WDPCP: variants seen among roughly 807,000 people sequenced by gnomAD.
The protein encoded by WDPCP is WD repeat containing planar cell polarity effector, also known as WD repeat-containing and planar cell polarity effector protein fritz homolog.
A neutral mutation model predicts 93.1 loss-of-function variants in WDPCP; 71 were observed. That is an observed-to-expected ratio of 0.76 (90% CI 0.63 to 0.93). The LOEUF (loss-of-function observed/expected upper bound fraction) is 0.93, where lower values mean the gene tolerates loss of function less well. Ranked by LOEUF, WDPCP falls within the 40% of genes least tolerant of loss-of-function variation. The pLI is 0.00. For missense variants in WDPCP, 844 were observed against 887.4 expected (o/e 0.95, Z 0.62); for synonymous variants, 315 against 315.0 (o/e 1.00, Z 0.00).
At chr2:63,602,511 C>G (rs1245429456) in intron 3 of WDPCP, among the ~76,000 whole-genome samples, 1 of 152,078 alleles carries the variant, frequency 6.6e-6, no homozygotes, top group Non-Finnish European at 1.5e-5. Flanking sequence ...CTACACAATA[C>G]TATTAACTAG....
At chr2:63,737,578 T>G (rs905903479) in intron 2 of WDPCP, among the ~76,000 whole-genome samples, 3 of 152,190 alleles carry the variant, frequency 2.0e-5, no homozygotes, top group Non-Finnish European at 4.4e-5. Context: ...TGTACTTTGG[T>G]TCTTCCTTCC....
chr2:63,593,707 T>C (rs1709246097), upstream of WDPCP: 3 of 471,184 alleles, frequency 6.4e-6, no homozygotes, highest in Non-Finnish European at 1.3e-5. Flanking sequence ...ACTGAATTTT[T>C]CTGTCTAACT....
chr2:63,168,444 C>G (rs1359725271), intron 15 of WDPCP, among the ~76,000 whole-genome samples: 2 of 152,040 alleles, frequency 1.3e-5, no homozygotes, highest in African/African-American at 4.8e-5. Flanking sequence ...CAGTACATAG[C>G]TGGATCTTGC....
intron 17 of WDPCP, among the ~76,000 whole-genome samples, chr2:63,138,061 T>A (rs1670762090): frequency 7.4e-6 from 1 of 134,918 alleles, no homozygotes; most frequent in East Asian, 2.2e-4. Flanking sequence ...CTTTTTAGGT[T>A]CCATATGATT....
chr2:63,428,017 T>G (rs756284163), intron 9 of WDPCP, among the ~76,000 whole-genome samples: 1 of 151,916 alleles, frequency 6.6e-6, no homozygotes, highest in Non-Finnish European at 1.5e-5. Flanking sequence ...CCCCTCAAGA[T>G]TGAACCAGAA....
intron 2 of WDPCP, among the ~76,000 whole-genome samples, chr2:63,674,188 C>G (rs1002979936): frequency 6.6e-6 from 1 of 152,268 alleles, no homozygotes; most frequent in East Asian, 1.9e-4. Flanking sequence ...ATTGATTTTA[C>G]GTATTTGCTT....
At chr2:63,499,234 A>C (rs1253020001) in intron 1 of WDPCP, among the ~76,000 whole-genome samples, 1 of 152,190 alleles carries the variant, frequency 6.6e-6, no homozygotes, top group African/African-American at 2.4e-5. Flanking sequence ...ATTTTGCTAG[A>C]GGGAAATAGA....
chr2:63,337,851 T>A (rs1190811655), intron 12 of WDPCP, among the ~76,000 whole-genome samples: 2 of 152,182 alleles, frequency 1.3e-5, no homozygotes, highest in African/African-American at 4.8e-5. Context: ...AAATAGGATT[T>A]TTTTTGCTAT....
chr2:63,224,724 A>T (rs541982929), intron 14 of WDPCP, among the ~76,000 whole-genome samples: 96 of 152,144 alleles, frequency 6.3e-4, no homozygotes, highest in Non-Finnish European at 1.1e-3. Context: ...GTTACCAGGG[A>T]CTAGGGAGGA....
At chr2:63,769,756 G>A (rs1558906394) in intron 2 of WDPCP, among the ~76,000 whole-genome samples, 2 of 151,774 alleles carry the variant, frequency 1.3e-5, no homozygotes, top group African/African-American at 2.4e-5. Context: ...TATACTGTTG[G>A]GTCACAACTG....
At chr2:63,631,583 G>T (rs1334541894) in intron 3 of WDPCP, among the ~76,000 whole-genome samples, 1 of 151,960 alleles carries the variant, frequency 6.6e-6, no homozygotes, top group Non-Finnish European at 1.5e-5. Context: ...GCTATCCAAG[G>T]ATAAAAATAG....
chr2:63,193,357 C>A (rs1482841782), intron 14 of WDPCP, among the ~76,000 whole-genome samples: 2 of 152,154 alleles, frequency 1.3e-5, no homozygotes, highest in Non-Finnish European at 2.9e-5. Context: ...ACTAGAATTA[C>A]AGCCAAGTTT....
At chr2:63,427,542 G>A (rs1227746189) in intron 9 of WDPCP, among the ~76,000 whole-genome samples, 1 of 152,032 alleles carries the variant, frequency 6.6e-6, no homozygotes, top group Non-Finnish European at 1.5e-5. Flanking sequence ...TGAAATCAAC[G>A]AAAACAGAGA....
intron 3 of WDPCP, among the ~76,000 whole-genome samples, chr2:63,602,934 C>CTTTTGTTTT (rs1709452776): frequency 8.4e-5 from 11 of 131,618 alleles, no homozygotes; most frequent in Non-Finnish European, 1.2e-4. Flanking sequence ...TTTAACCGTT[C>CTTTTGTTTT]TTTTTTTTTT....
chr2:63,264,526 A>T (rs78299691), intron 13 of WDPCP, among the ~76,000 whole-genome samples: 3,598 of 152,330 alleles, frequency 0.024, 70 homozygotes, highest in Admixed American at 0.061. Context: ...TTCATCAAGA[A>T]GTTATAACAA....
chr2:63,561,405 G>A (rs979831836), intron 1 of WDPCP, among the ~76,000 whole-genome samples: 4 of 151,892 alleles, frequency 2.6e-5, no homozygotes, highest in African/African-American at 7.3e-5. Flanking sequence ...TTGAACCCGG[G>A]AGGCGGAGGT....
intron 12 of WDPCP, among the ~76,000 whole-genome samples, chr2:63,362,091 GC>G (rs1262145168): frequency 6.6e-6 from 1 of 151,862 alleles, no homozygotes; most frequent in Non-Finnish European, 1.5e-5. Flanking sequence ...TTCTCTTCTA[GC>G]TATTAATTAT....
At chr2:63,348,384 A>C (rs1387049931) in intron 12 of WDPCP, among the ~76,000 whole-genome samples, 1 of 152,204 alleles carries the variant, frequency 6.6e-6, no homozygotes, top group African/African-American at 2.4e-5. Context: ...TTAGTGAAGC[A>C]TTCATAACTA....
At chr2:63,640,814 A>G (rs1456029226) in intron 3 of WDPCP, among the ~76,000 whole-genome samples, 1 of 152,188 alleles carries the variant, frequency 6.6e-6, no homozygotes, top group African/African-American at 2.4e-5. Flanking sequence ...TTGTGTTACA[A>G]AAAATCCAAT....
Sources: gnomAD v4.1 joint callset for allele counts (sites outside exome capture counted in the v4.1 genomes callset) on GRCh38, gnomAD v4.1.1 for gene constraint, MANE v1.5 for transcripts, NCBI Gene and HGNC (gene_info 2026-07-23, HGNC 2026-07-21) for gene names.